Variants in PTPRN2 observed in about 807,000 individuals in gnomAD.
PTPRN2 encodes receptor-type tyrosine-protein phosphatase N2.
In PTPRN2, 74 loss-of-function variants were observed where a neutral mutation model predicts 118.8. The observed-to-expected ratio is 0.62, with a 90% CI of 0.52 to 0.76. The LOEUF is 0.76. Ranked by LOEUF, PTPRN2 falls within the 30% of genes least tolerant of loss-of-function variation. The pLI, the probability that PTPRN2 is intolerant of heterozygous loss-of-function variation, is 0.00. For synonymous variants in PTPRN2, 641 were observed against 608.0 expected, an observed-to-expected ratio of 1.05 and a Z score of -0.80; for missense variants, 1,481 against 1,394.4, an observed-to-expected ratio of 1.06 and a Z score of -0.99.
chr7:158,027,541 T>C (rs1807372350), intron 11 of PTPRN2: 1 of 152,192 alleles, frequency 6.6e-6, no homozygotes, highest in Non-Finnish European at 1.5e-5. Flanking sequence ...CCAGCTGCAG[T>C]GGGAACACAT....
chr7:158,541,647 A>G (rs1431690516), intron 1 of PTPRN2: 2 of 1,345,350 alleles, frequency 1.5e-6, no homozygotes, highest in African/African-American at 1.5e-5. Flanking sequence ...ATCTGGCTAT[A>G]ATTCTACCAA....
At chr7:158,577,529 G>A (rs1406521064) in intron 1 of PTPRN2, among the ~76,000 whole-genome samples, 2 of 148,584 alleles carry the variant, frequency 1.3e-5, no homozygotes, top group Non-Finnish European at 3.0e-5. Flanking sequence ...CAAACAGCAT[G>A]GGGCCTGCAC....
intron 12 of PTPRN2, among the ~76,000 whole-genome samples, chr7:157,691,914 C>T (rs960032597): frequency 1.6e-4 from 25 of 152,132 alleles, no homozygotes; most frequent in Non-Finnish European, 1.9e-4. Context: ...GACCCCGGGC[C>T]ACAGCCACAG....
intron 17 of PTPRN2, among the ~76,000 whole-genome samples, chr7:157,586,664 T>C (rs1800692127): frequency 6.6e-6 from 1 of 151,570 alleles, no homozygotes; most frequent in African/African-American, 2.4e-5. Flanking sequence ...TCCTGGAGAC[T>C]CAGGGCCCCC....
At chr7:158,319,878 T>C (rs935083228) in intron 2 of PTPRN2, among the ~76,000 whole-genome samples, 1 of 3,592 alleles carries the variant, frequency 2.8e-4, no homozygotes, top group Non-Finnish European at 5.1e-4. Context: ...GCCTCCCTCG[T>C]ACACAGCCTC....
chr7:157,544,800 G>A (rs973195560), intron 22 of PTPRN2, among the ~76,000 whole-genome samples: 5 of 152,238 alleles, frequency 3.3e-5, no homozygotes, highest in African/African-American at 1.2e-4. Context: ...GGCATCCCTT[G>A]TGTCTGCTGA....
At position 158,081,189 on chromosome 7, in the gene PTPRN2, T is replaced by A. The variant is rs114430947; in HGVS notation, c.1723+109A>T. 4,465 of 1,121,228 alleles carry A rather than the reference T, an allele frequency of 4.0e-3. 137 individuals are homozygous for A. The African/African-American group carries it at 0.062, about 15-fold the overall frequency. The allele number at this position is 1,121,228 out of a possible 1,614,324, so 69.5% of individuals were successfully genotyped here. ...AGACCTTCCTCTGGGTTGCCCCATG[T>A]GGGTAGTGTGAGTCTCTCTCTGCCC... On this transcript the variant is annotated intron_variant, in intron 11 of 22. Coordinates refer to ENST00000389418, the MANE Select transcript of PTPRN2 (RefSeq NM_002847.5).
chr7:158,339,832 C>G (rs1806306753), intron 2 of PTPRN2, among the ~76,000 whole-genome samples: 3 of 108,710 alleles, frequency 2.8e-5, no homozygotes, highest in Non-Finnish European at 4.0e-5. Flanking sequence ...CACCCACACT[C>G]TCACCATAAG....
intron 4 of PTPRN2, among the ~76,000 whole-genome samples, chr7:158,200,930 T>A (rs527808981): frequency 1.8e-4 from 27 of 152,284 alleles, no homozygotes; most frequent in Middle Eastern, 3.4e-3. Flanking sequence ...ATTATTTTTT[T>A]AAAAATGAAT....
chr7:158,582,740 T>C (rs1408588125), intron 1 of PTPRN2, among the ~76,000 whole-genome samples: 2 of 131,788 alleles, frequency 1.5e-5, no homozygotes, highest in African/African-American at 3.0e-5. Context: ...GAGGCTGCAA[T>C]GAGCCATGAT....
chr7:158,359,967 G>A (rs375710039), intron 2 of PTPRN2, among the ~76,000 whole-genome samples: 9 of 152,174 alleles, frequency 5.9e-5, no homozygotes, highest in African/African-American at 9.6e-5. Context: ...ATCTCACAGC[G>A]CTCCTTAAGA....
chr7:157,672,831 T>A (rs972954582), intron 13 of PTPRN2, among the ~76,000 whole-genome samples: 4 of 152,252 alleles, frequency 2.6e-5, no homozygotes, highest in African/African-American at 9.6e-5. Context: ...AATTATGTAT[T>A]TTAAAACATG....
chr7:157,570,645 T>C (rs1487162309), intron 20 of PTPRN2, among the ~76,000 whole-genome samples: 1 of 152,208 alleles, frequency 6.6e-6, no homozygotes, highest in African/African-American at 2.4e-5. Context: ...TTAACGTACT[T>C]AGGGATATGA....
At chr7:157,848,124 C>T (rs1200737598) in intron 12 of PTPRN2, among the ~76,000 whole-genome samples, 3 of 148,990 alleles carry the variant, frequency 2.0e-5, no homozygotes, top group African/African-American at 7.5e-5. Flanking sequence ...TCTTTCATTA[C>T]ATCATGTGTG....
At chr7:157,777,393 C>G (rs578099721) in intron 12 of PTPRN2, among the ~76,000 whole-genome samples, 158 of 152,080 alleles carry the variant, frequency 1.0e-3, no homozygotes, top group Admixed American at 4.8e-3. Context: ...CCGGAGGACA[C>G]GCAGTGCCCC....
At chr7:158,166,709 C>A (rs1426606260) in intron 6 of PTPRN2, among the ~76,000 whole-genome samples, 1 of 152,182 alleles carries the variant, frequency 6.6e-6, no homozygotes, top group Non-Finnish European at 1.5e-5. Flanking sequence ...CTGGCCACTG[C>A]GTTCCCAGGA....
At chr7:157,658,510 C>T (rs1328243027) in intron 13 of PTPRN2, among the ~76,000 whole-genome samples, 6 of 152,216 alleles carry the variant, frequency 3.9e-5, no homozygotes, top group South Asian at 2.1e-4. Context: ...CAACCACACA[C>T]GCGGTGGGCA....
chr7:158,543,010 G>A (rs1162691810), intron 1 of PTPRN2, among the ~76,000 whole-genome samples: 2 of 151,126 alleles, frequency 1.3e-5, no homozygotes, highest in African/African-American at 4.9e-5. Flanking sequence ...CATGCGCCGG[G>A]TTGGGTCAGA....
intron 3 of PTPRN2, among the ~76,000 whole-genome samples, chr7:158,212,481 A>C (rs1254420369): frequency 6.6e-6 from 1 of 152,180 alleles, no homozygotes; most frequent in Non-Finnish European, 1.5e-5. Context: ...CCTGTATCAA[A>C]ATATCCCATG....
Sources: allele counts gnomAD v4.1 joint callset (sites outside exome capture counted in the v4.1 genomes callset), GRCh38; gene constraint gnomAD v4.1.1; transcripts MANE v1.5; gene names NCBI Gene and HGNC (gene_info 2026-07-23, HGNC 2026-07-21).